The following THSD7B variants were observed in gnomAD, a reference collection of about 807,000 sequenced individuals.
THSD7B encodes the protein thrombospondin type-1 domain-containing protein 7B.
Under a neutral mutation model 213.6 loss-of-function variants are expected in THSD7B, and 138 were observed. The ratio of observed to expected loss-of-function variants is 0.65; its 90% CI spans 0.56 to 0.74. The LOEUF (loss-of-function observed/expected upper bound fraction) is 0.74. THSD7B is among the 30% of genes least tolerant of loss of function. The pLI, the probability that THSD7B is intolerant of heterozygous loss-of-function variation, is 0.00. For synonymous variants in THSD7B, 742 were observed against 687.0 expected, an observed-to-expected ratio of 1.08 and a Z score of -1.25; for missense variants, 1,931 against 1,991.5, an observed-to-expected ratio of 0.97 and a Z score of 0.58.
At chr2:136,975,327 T>G (rs569798897) in intron 2 of THSD7B, among the ~76,000 whole-genome samples, 194 of 152,332 alleles carry the variant, frequency 1.3e-3, no homozygotes, top group Non-Finnish European at 2.3e-3. Context: ...TTTATAGTTT[T>G]GGGCTTTACA....
At chr2:137,022,827 A>AT (rs1686470820) in intron 2 of THSD7B, among the ~76,000 whole-genome samples, 1 of 152,124 alleles carries the variant, frequency 6.6e-6, no homozygotes, top group African/African-American at 2.4e-5. Context: ...AATATTTTAG[A>AT]TTTTGGGGCC....
At chr2:137,365,577 A>C (rs2104942215) in intron 12 of THSD7B, among the ~76,000 whole-genome samples, 1 of 152,320 alleles carries the variant, frequency 6.6e-6, no homozygotes, top group East Asian at 1.9e-4. Context: ...AAAAGTGGGC[A>C]AGGTATATGA....
At chr2:137,544,244 G>A (rs1024135257) in intron 15 of THSD7B, among the ~76,000 whole-genome samples, 11 of 151,698 alleles carry the variant, frequency 7.3e-5, no homozygotes, top group African/African-American at 2.2e-4. Flanking sequence ...AATGTAGTAC[G>A]TTCACACAAA....
intron 5 of THSD7B, among the ~76,000 whole-genome samples, chr2:137,122,081 G>C (rs1243676269): frequency 6.6e-6 from 1 of 152,160 alleles, no homozygotes; most frequent in Non-Finnish European, 1.5e-5. Flanking sequence ...AGATTGGCCT[G>C]GACTGAAATG....
intron 17 of THSD7B, among the ~76,000 whole-genome samples, chr2:137,595,467 A>T (rs558057654): frequency 6.6e-6 from 1 of 152,070 alleles, no homozygotes; most frequent in African/African-American, 2.4e-5. Context: ...CCCAGGGATA[A>T]ATACTTTCAA....
At position 137,297,642 on chromosome 2, in the gene THSD7B, C is replaced by T. The variant is rs2104841832; in HGVS notation, c.2500+21616C>T. Among the ~76,000 whole-genome samples, 3 of 152,152 alleles carry T rather than the reference C, an allele frequency of 2.0e-5. No individual in the cohort carries two copies. The South Asian group carries it at 6.3e-4, about 32-fold the overall frequency. On this transcript the variant is annotated intron_variant, in intron 12 of 27. Coordinates refer to ENST00000409968, the MANE Select transcript of THSD7B (RefSeq NM_001316349.2). Reference sequence around the variant, plus strand: ...AACTTGAATTTTATCTCCCAGAATTCCCATGTGTTGTAGGAGGGACCTAGT... The same window carrying T: ...AACTTGAATTTTATCTCCCAGAATTTCCATGTGTTGTAGGAGGGACCTAGT...
intron 17 of THSD7B, among the ~76,000 whole-genome samples, chr2:137,612,883 C>G (rs1450493470): frequency 6.6e-6 from 1 of 152,232 alleles, no homozygotes; most frequent in South Asian, 2.1e-4. Flanking sequence ...ATATATTTAA[C>G]AAATATACAG....
chr2:137,158,076 C>T (rs1417447459), intron 5 of THSD7B, among the ~76,000 whole-genome samples: 1 of 152,150 alleles, frequency 6.6e-6, no homozygotes, highest in African/African-American at 2.4e-5. Flanking sequence ...GCTTGATTTA[C>T]CCTTTTAGAC....
chr2:137,088,785 A>G (rs1687890203), intron 3 of THSD7B, among the ~76,000 whole-genome samples: 1 of 152,156 alleles, frequency 6.6e-6, no homozygotes, highest in Admixed American at 6.5e-5. Flanking sequence ...ACAAGAAAAA[A>G]CAATTCCATC....
At chr2:137,546,459 ATATAATATATATATATATAAT>A (rs1188132241) in intron 15 of THSD7B, among the ~76,000 whole-genome samples, 9 of 23,188 alleles carry the variant, frequency 3.9e-4, no homozygotes, top group African/African-American at 2.2e-3. Flanking sequence ...TATATATTAT[ATATAATATATATATATATAAT>A]ATATATATAT....
chr2:136,940,948 T>G (rs1262587764), intron 2 of THSD7B, among the ~76,000 whole-genome samples: 1 of 151,708 alleles, frequency 6.6e-6, no homozygotes, highest in Non-Finnish European at 1.5e-5. Context: ...GTTGGTTTGT[T>G]GCACCTACTA....
At chr2:137,156,046 G>A (rs1194955270) in intron 5 of THSD7B, 1 of 152,146 alleles carries the variant, frequency 6.6e-6, no homozygotes, top group East Asian at 1.9e-4. Flanking sequence ...TGGGAGCTTA[G>A]TTTTTCAGTA....
chr2:137,377,115 A>G (rs79365596), intron 12 of THSD7B, among the ~76,000 whole-genome samples: 1,704 of 152,222 alleles, frequency 0.011, 42 homozygotes, highest in African/African-American at 0.038. Context: ...TATTTAGTGC[A>G]TTTTTTCCGT....
intron 2 of THSD7B, among the ~76,000 whole-genome samples, chr2:137,005,953 T>C (rs541396929): frequency 1.3e-5 from 2 of 152,344 alleles, no homozygotes; most frequent in South Asian, 4.1e-4. Context: ...AAATTATGTT[T>C]ATTATATCTT....
At chr2:137,436,580 T>A (rs1242944571) in intron 14 of THSD7B, among the ~76,000 whole-genome samples, 1 of 152,154 alleles carries the variant, frequency 6.6e-6, no homozygotes, top group Non-Finnish European at 1.5e-5. Context: ...TACATTTATT[T>A]CCCATTAGTG....
intron 12 of THSD7B, among the ~76,000 whole-genome samples, chr2:137,310,688 AT>A (rs1446162137): frequency 3.3e-5 from 5 of 151,158 alleles, no homozygotes; most frequent in African/African-American, 4.9e-5. Flanking sequence ...TGTATAAGGC[AT>A]AAGGAAGGGA....
chr2:136,850,456 C>T (rs1683080763), intron 1 of THSD7B, among the ~76,000 whole-genome samples: 1 of 151,932 alleles, frequency 6.6e-6, no homozygotes, highest in Non-Finnish European at 1.5e-5. Context: ...AGAAAATATA[C>T]ATCTTCAAAC....
chr2:137,313,091 A>G (rs1028907631), intron 12 of THSD7B, among the ~76,000 whole-genome samples: 59 of 151,824 alleles, frequency 3.9e-4, no homozygotes, highest in African/African-American at 1.3e-3. Flanking sequence ...TGATCTGTCT[A>G]ATGTTGACAG....
chr2:137,665,224 A>G (rs983894037), intron 26 of THSD7B, among the ~76,000 whole-genome samples: 1 of 152,202 alleles, frequency 6.6e-6, no homozygotes, highest in African/African-American at 2.4e-5. Context: ...TTGCCTGTGG[A>G]TCCTATTTCT....
Sources: gnomAD v4.1 joint callset for allele counts (sites outside exome capture counted in the v4.1 genomes callset) on GRCh38, gnomAD v4.1.1 for gene constraint, MANE v1.5 for transcripts, NCBI Gene and HGNC (gene_info 2026-07-23, HGNC 2026-07-21) for gene names.